Variants in POLA1 observed in about 807,000 individuals in gnomAD.
POLA1 encodes DNA polymerase alpha 1, catalytic subunit.
POLA1 carries 15 observed loss-of-function variants against 124.0 expected under a neutral mutation model. The observed-to-expected ratio is 0.12, with a 90% confidence interval of 0.08 to 0.19. The LOEUF is 0.19. Ranked by LOEUF, POLA1 falls within the 10% of genes least tolerant of loss-of-function variation. The pLI is 1.00. For synonymous variants in POLA1, 408 were observed against 389.4 expected (o/e 1.05, Z -0.56); for missense variants, 886 against 1,103.4 (o/e 0.80, Z 2.79).
At chrX:24,937,880 A>T (rs1218616304) in intron 36 of POLA1, among the ~76,000 whole-genome samples, 1 of 112,380 alleles carries the variant, frequency 8.9e-6, no homozygotes, top group Non-Finnish European at 1.9e-5. Flanking sequence ...AACAACAACT[A>T]TGCAGGCTAC....
chrX:24,791,802 A>T (rs943786680), intron 26 of POLA1, among the ~76,000 whole-genome samples: 1 of 112,404 alleles, frequency 8.9e-6, no homozygotes, highest in Admixed American at 9.4e-5. Flanking sequence ...GTAAGCTGGG[A>T]TGTTCCAAGT....
rs2045997093 is a variant in POLA1, at chrX:24,816,874, AGTCATAGGTATACTGACAGT to A, written c.3429+1767_3429+1786del. ...TACTAGTGTGCAAAAAGAAACTTAG[AGTCATAGGTATACTGACAGT>A]GTCTGCATTCTTTTAAGTTTTTATT... On this transcript the variant is annotated intron_variant, in intron 30 of 36. Coordinates refer to ENST00000379068, the MANE Select transcript of POLA1 (RefSeq NM_001330360.2). 2.7e-5 allele frequency among the ~76,000 whole-genome samples: 3 copies of A among 112,038 alleles called. No homozygotes were observed. The South Asian group carries it at 1.1e-3, about 42-fold the overall frequency.
intron 35 of POLA1, 73 bp from the exon 36 acceptor site, chrX:24,930,380 C>A: frequency 1.4e-6 from 1 of 690,553 alleles, no homozygotes; most frequent in Non-Finnish European, 2.3e-6. Context: ...AGGGGATACA[C>A]TCTGCTGAGA....
intron 36 of POLA1, among the ~76,000 whole-genome samples, chrX:24,956,045 A>T (rs989923403): frequency 1.0e-5 from 1 of 99,778 alleles, no homozygotes; most frequent in African/African-American, 3.6e-5. Context: ...ATCCCAGCCC[A>T]CCCTCCCTTC....
At position 24,749,577 on chromosome X, in the gene POLA1, G is replaced by C. The variant is rs11573373; in HGVS notation, c.2964+585G>C. On this transcript the variant is annotated intron_variant, in intron 26 of 36. Coordinates refer to ENST00000379068, the MANE Select transcript of POLA1 (RefSeq NM_001330360.2). ...GGATTAGCTTGGAGTGTGAGTGAAA[G>C]GTAGAAATCAGGAGGATAACTAGTA... 4.5e-3 allele frequency among the ~76,000 whole-genome samples: 505 copies of C among 111,014 alleles called. 8 individuals carry two copies. Among genetic ancestry groups the C allele is most frequent in the Admixed American group, 0.035 (361 of 10,390 alleles).
chrX:24,840,727 A>G (rs1202754129), intron 32 of POLA1, among the ~76,000 whole-genome samples: 3 of 112,353 alleles, frequency 2.7e-5, no homozygotes, highest in Non-Finnish European at 3.8e-5. Flanking sequence ...TTAGATTTCC[A>G]AAAGCTTTTC....
At chrX:24,772,215 T>C (rs937408272) in intron 26 of POLA1, among the ~76,000 whole-genome samples, 3 of 111,861 alleles carry the variant, frequency 2.7e-5, no homozygotes, top group African/African-American at 9.7e-5. Context: ...TAAATAGTGC[T>C]GCAATAAACA....
chrX:24,943,625 TGAAGGC>T (rs1569370736), intron 36 of POLA1, among the ~76,000 whole-genome samples: 3 of 112,703 alleles, frequency 2.7e-5, no homozygotes, highest in African/African-American at 9.7e-5. Flanking sequence ...TCTCTGTTAG[TGAAGGC>T]TTTATCACTT....
At chrX:24,916,068 T>A (rs1001799737) in intron 35 of POLA1, among the ~76,000 whole-genome samples, 1 of 111,877 alleles carries the variant, frequency 8.9e-6, no homozygotes, top group African/African-American at 3.3e-5. Context: ...CACTTTCATG[T>A]TAACACAGCC....
intron 2 of POLA1, among the ~76,000 whole-genome samples, chrX:24,702,156 C>T (rs1374360205): frequency 9.1e-6 from 1 of 109,504 alleles, no homozygotes; most frequent in African/African-American, 3.3e-5. Context: ...GCAACCTCCA[C>T]CTCCCGGGTT....
chrX:24,896,733 C>A (rs769233547), intron 35 of POLA1, among the ~76,000 whole-genome samples: 16 of 111,963 alleles, frequency 1.4e-4, no homozygotes, highest in Non-Finnish European at 2.6e-4. Flanking sequence ...TGGTTGGGTA[C>A]AGAGAATGAC....
intron 24 of POLA1, among the ~76,000 whole-genome samples, chrX:24,746,639 A>G (rs757504219): frequency 2.7e-4 from 30 of 112,362 alleles, no homozygotes; most frequent in Non-Finnish European, 5.1e-4. Context: ...CTGACTCCAC[A>G]TCTTTCAGTT....
intron 35 of POLA1, among the ~76,000 whole-genome samples, chrX:24,909,097 G>C (rs1278896114): frequency 8.9e-6 from 1 of 112,181 alleles, no homozygotes; most frequent in Non-Finnish European, 1.9e-5. Context: ...CTTATTTCTT[G>C]TAAATTTGTT....
chrX:24,743,048 A>G (rs1425256497), intron 22 of POLA1, among the ~76,000 whole-genome samples, 182 bp from the exon 23 acceptor site: 1 of 112,503 alleles, frequency 8.9e-6, no homozygotes, highest in Non-Finnish European at 1.9e-5. Context: ...AGAAATTACT[A>G]TGCTTGGGAT....
At chrX:24,740,625 G>A (rs1931574861) in intron 20 of POLA1, among the ~76,000 whole-genome samples, 1 of 111,500 alleles carries the variant, frequency 9.0e-6, no homozygotes, top group African/African-American at 3.3e-5. Flanking sequence ...CGTTAACTCT[G>A]TCCTTATCTC....
chrX:24,935,327 G>A (rs1005599741), intron 36 of POLA1, among the ~76,000 whole-genome samples: 5 of 112,451 alleles, frequency 4.4e-5, no homozygotes, highest in Non-Finnish European at 9.4e-5. Flanking sequence ...GAACACTGCC[G>A]GAATTGGAAC....
At chrX:24,826,102 T>C (rs916330902) in intron 31 of POLA1, among the ~76,000 whole-genome samples, 8 of 112,290 alleles carry the variant, frequency 7.1e-5, no homozygotes, top group Non-Finnish European at 1.5e-4. Flanking sequence ...GCCTTCTCAG[T>C]GTTTGGTGAT....
chrX:24,873,351 A>T (rs2046891776), intron 34 of POLA1, among the ~76,000 whole-genome samples: 1 of 112,049 alleles, frequency 8.9e-6, no homozygotes. Context: ...TTGCAATTCT[A>T]ATTTGGGTAT....
In POLA1 at chrX:24,898,895, A is replaced by C. The variant is rs547183849; in HGVS notation, c.4164+10773A>C. ...AGGAGTGGTGAAGAACTGATATGCT[A>C]ATTGTCTTCTCTTTTTGTCATCTGG... On this transcript the variant is annotated intron_variant, in intron 35 of 36. Transcript: ENST00000379068. Among the ~76,000 whole-genome samples the C allele has an allele frequency of 1.6e-4, 18 of 111,717 alleles. No homozygotes were observed. In the South Asian group the frequency reaches 6.5e-3, roughly 40 times the overall value.
Sources: allele counts gnomAD v4.1 joint callset (sites outside exome capture counted in the v4.1 genomes callset), GRCh38; gene constraint gnomAD v4.1.1; transcripts MANE v1.5; gene names NCBI Gene and HGNC (gene_info 2026-07-23, HGNC 2026-07-21).